FNIP1: variants seen among roughly 807,000 people sequenced by gnomAD.
FNIP1 encodes folliculin interacting protein 1.
Under a neutral mutation model 124.5 loss-of-function variants are expected in FNIP1, and 40 were observed. The observed-to-expected ratio is 0.32, with a 90% CI of 0.25 to 0.42. The LOEUF (loss-of-function observed/expected upper bound fraction) is 0.42. Ranked by LOEUF, FNIP1 falls within the 10% of genes least tolerant of loss-of-function variation. The probability of loss-of-function intolerance (pLI) is 1.00; values close to 1 mark genes in which losing one functional copy is unlikely to be tolerated. For synonymous variants in FNIP1, 472 were observed against 470.6 expected, an observed-to-expected ratio of 1.00 and a Z score of -0.04; for missense variants, 1,176 against 1,403.7, an observed-to-expected ratio of 0.84 and a Z score of 2.59.
chr5:131,754,394 G>A (rs1561691222), intron 1 of FNIP1, among the ~76,000 whole-genome samples: 1 of 152,154 alleles, frequency 6.6e-6, no homozygotes, highest in Non-Finnish European at 1.5e-5. Context: ...AATCATAAAC[G>A]ACATACAATA....
intron 1 of FNIP1, among the ~76,000 whole-genome samples, chr5:131,755,445 G>A (rs913292867): frequency 4.7e-5 from 7 of 150,184 alleles, no homozygotes; most frequent in African/African-American, 1.5e-4. Context: ...CGAAGAAGAA[G>A]AAAAAGAAAA....
chr5:131,757,680 A>G (rs1561692772), intron 1 of FNIP1, among the ~76,000 whole-genome samples: 1 of 151,896 alleles, frequency 6.6e-6, no homozygotes. Context: ...AAGTGGGGAC[A>G]CAAGGAAGGA....
intron 3 of FNIP1, among the ~76,000 whole-genome samples, chr5:131,726,282 G>A (rs1323562997): frequency 3.9e-5 from 6 of 152,176 alleles, no homozygotes; most frequent in African/African-American, 9.6e-5. Context: ...CCAGCTCCTC[G>A]TTGTACCTCT....
At chr5:131,786,267 T>A (rs1343592440) in intron 1 of FNIP1, among the ~76,000 whole-genome samples, 1 of 152,224 alleles carries the variant, frequency 6.6e-6, no homozygotes, top group African/African-American at 2.4e-5. Flanking sequence ...ATACCAGAAG[T>A]ACAGCACTAA....
At chr5:131,775,105 TTA>T (rs895907965) in intron 1 of FNIP1, among the ~76,000 whole-genome samples, 5 of 152,362 alleles carry the variant, frequency 3.3e-5, no homozygotes, top group East Asian at 3.9e-4. Context: ...GCAAAAATAC[TTA>T]TGATCAAAGA....
intron 15 of FNIP1, 46 bp downstream of exon 15, chr5:131,670,407 CTGCTGCTTAA>C (rs1767715510): frequency 7.0e-7 from 1 of 1,437,610 alleles, no homozygotes; most frequent in Non-Finnish European, 9.2e-7. Context: ...ATTTTGGGTT[CTGCTGCTTAA>C]CAGAGTTTCT....
chr5:131,721,766 C>A (rs1341890524), intron 3 of FNIP1, among the ~76,000 whole-genome samples: 2 of 152,196 alleles, frequency 1.3e-5, no homozygotes, highest in Non-Finnish European at 2.9e-5. Flanking sequence ...CCATTGCACT[C>A]CAGCCTGGGC....
chr5:131,765,455 A>G (rs899108706), intron 1 of FNIP1, among the ~76,000 whole-genome samples: 1 of 152,318 alleles, frequency 6.6e-6, no homozygotes, highest in South Asian at 2.1e-4. Flanking sequence ...GCAAACCCTG[A>G]GGATATGTTA....
At chr5:131,729,010 G>A (rs1769987425) in intron 3 of FNIP1, among the ~76,000 whole-genome samples, 2 of 152,134 alleles carry the variant, frequency 1.3e-5, no homozygotes, top group South Asian at 2.1e-4. Context: ...ATCACCACTG[G>A]AGGCTGCAGA....
chr5:131,791,878 GAAAA>G (rs67593080), intron 1 of FNIP1, among the ~76,000 whole-genome samples: 7 of 148,812 alleles, frequency 4.7e-5, no homozygotes, highest in African/African-American at 1.8e-4. Context: ...ATTATGGAAA[GAAAA>G]AAAAAAAGTC....
chr5:131,716,777 A>T (rs907662312), intron 5 of FNIP1, 121 bp from the exon 6 acceptor site: 144 of 582,104 alleles, frequency 2.5e-4, no homozygotes, highest in Middle Eastern at 7.7e-4. Context: ...ATTACAAATT[A>T]ACTAACATAA....
At chr5:131,657,736 C>CAAAAAAAAAAA (rs59097834) in intron 15 of FNIP1, among the ~76,000 whole-genome samples, 15 of 65,042 alleles carry the variant, frequency 2.3e-4, no homozygotes, top group African/African-American at 6.8e-4. Context: ...GAAAATAAGG[C>CAAAAAAAAAAA]AAAAAAAAAA....
At chr5:131,733,122 TC>T (rs1770156334) in intron 2 of FNIP1, among the ~76,000 whole-genome samples, 1 of 152,118 alleles carries the variant, frequency 6.6e-6, no homozygotes, top group Non-Finnish European at 1.5e-5. Context: ...ATGATTTGGC[TC>T]TCTGTTTGTC....
intron 1 of FNIP1, among the ~76,000 whole-genome samples, chr5:131,768,471 T>G (rs1771514300): frequency 6.6e-6 from 1 of 152,038 alleles, no homozygotes; most frequent in African/African-American, 2.4e-5. Context: ...CACAGTTTTT[T>G]TTTTTTTTTA....
chr5:131,673,503 A>G (rs1478184506), intron 13 of FNIP1, among the ~76,000 whole-genome samples: 1 of 152,228 alleles, frequency 6.6e-6, no homozygotes, highest in African/African-American at 2.4e-5. Flanking sequence ...GCAAAGAGTC[A>G]GTTCTGAAAC....
At chr5:131,683,239 A>C (rs1162443653) in intron 11 of FNIP1, among the ~76,000 whole-genome samples, 1 of 152,128 alleles carries the variant, frequency 6.6e-6, no homozygotes, top group African/African-American at 2.4e-5. Flanking sequence ...CAAATCCCTT[A>C]TGAAATGGCA....
intron 1 of FNIP1, among the ~76,000 whole-genome samples, chr5:131,779,209 CAAAT>C (rs1182437591): frequency 6.7e-6 from 1 of 148,436 alleles, no homozygotes; most frequent in Non-Finnish European, 1.5e-5. Context: ...ATTCTATAGA[CAAAT>C]AAGTATGTGA....
chr5:131,785,560 A>G (rs1030512035), intron 1 of FNIP1, among the ~76,000 whole-genome samples: 2 of 144,690 alleles, frequency 1.4e-5, no homozygotes, highest in Non-Finnish European at 3.1e-5. Flanking sequence ...CAAAAAAAAA[A>G]CAAAAAACAA....
At chr5:131,659,865 C>A (rs529304162) in intron 15 of FNIP1, among the ~76,000 whole-genome samples, 1 of 152,330 alleles carries the variant, frequency 6.6e-6, no homozygotes, top group East Asian at 1.9e-4. Context: ...GGTGCCAGAT[C>A]TTCTCCATGT....
Sources: gnomAD v4.1 joint callset for allele counts (sites outside exome capture counted in the v4.1 genomes callset) on GRCh38, gnomAD v4.1.1 for gene constraint, MANE v1.5 for transcripts, NCBI Gene and HGNC (gene_info 2026-07-23, HGNC 2026-07-21) for gene names.